Variants in GFRA2 observed in about 807,000 individuals in gnomAD.
GFRA2 encodes GDNF family receptor alpha-2.
In GFRA2, 17 loss-of-function variants were observed where a neutral mutation model predicts 48.3. The ratio of observed to expected loss-of-function variants is 0.35; its 90% confidence interval spans 0.24 to 0.53. GFRA2 has a LOEUF of 0.53. Ranked by LOEUF, GFRA2 falls within the 20% of genes least tolerant of loss-of-function variation. The probability of loss-of-function intolerance (pLI) is 0.93; values close to 1 mark genes in which losing one functional copy is unlikely to be tolerated. For missense variants in GFRA2, 660 were observed against 637.3 expected (o/e 1.04, Z -0.38); for synonymous variants, 305 against 257.2 (o/e 1.19, Z -1.78).
intron 4 of GFRA2, among the ~76,000 whole-genome samples, chr8:21,737,580 C>T (rs781175144): frequency 2.6e-5 from 4 of 152,062 alleles, no homozygotes; most frequent in Non-Finnish European, 4.4e-5. Flanking sequence ...CAACCTTACG[C>T]GCACAGACTC....
chr8:21,705,424 C>T (rs1007188612), intron 5 of GFRA2, among the ~76,000 whole-genome samples: 3 of 152,278 alleles, frequency 2.0e-5, no homozygotes, highest in African/African-American at 4.8e-5. Flanking sequence ...TTGTCCTTCA[C>T]CAGCAAGCAG....
Position 21,702,973 on chromosome 8 carries a change from G to A in GFRA2, c.1050C>T (p.Asn350=), listed in dbSNP as rs146520862. The change falls in exon 7 of 9, where the codon AAC becomes AAT. Residue 350 remains asparagine (N), a synonymous_variant. Transcript: ENST00000524240. ...TGCCGTTGCCAAAGGCCTGGATGGC[G>A]TTCCCTGGGATGGGGGTGAGGGCAG... ...RDFTENPCLR[N]AIQAFGNGTD... 168 of 1,515,712 alleles carry A rather than the reference G, an allele frequency of 1.1e-4. No homozygotes were observed. The East Asian group carries it at 1.7e-3, about 16-fold the overall frequency. 93.9% of individuals were successfully genotyped at this position (1,515,712 alleles called of 1,614,324 possible). A position where few individuals can be genotyped will look rare whatever the true frequency, so the allele number is the denominator to read the frequency against.
At chr8:21,745,788 C>A (rs556760479) in intron 4 of GFRA2, among the ~76,000 whole-genome samples, 1 of 152,264 alleles carries the variant, frequency 6.6e-6, no homozygotes, top group South Asian at 2.1e-4. Context: ...GTCAGGCCTG[C>A]AAGAGTGTAG....
chr8:21,715,895 G>A (rs1172222163), intron 4 of GFRA2, among the ~76,000 whole-genome samples: 3 of 151,782 alleles, frequency 2.0e-5, no homozygotes, highest in Non-Finnish European at 2.9e-5. Flanking sequence ...GAGAGAGAAC[G>A]AGAGAGAGAG....
chr8:21,795,662 G>C (rs907721458), intron 2 of GFRA2, among the ~76,000 whole-genome samples: 2 of 152,176 alleles, frequency 1.3e-5, no homozygotes, highest in Non-Finnish European at 2.9e-5. Flanking sequence ...CAAAGTGCTG[G>C]GAGTACAGGC....
chr8:21,749,017 C>T (rs1253181687), intron 4 of GFRA2, among the ~76,000 whole-genome samples: 2 of 152,212 alleles, frequency 1.3e-5, no homozygotes, highest in African/African-American at 4.8e-5. Context: ...AGATGCCCCT[C>T]TCCTGTGCTC....
chr8:21,774,376 G>A (rs1420134609), intron 3 of GFRA2, among the ~76,000 whole-genome samples: 8 of 152,220 alleles, frequency 5.3e-5, no homozygotes, highest in African/African-American at 1.9e-4. Context: ...GGTGGCCTGA[G>A]GACCAGAGTG....
chr8:21,718,282 C>A (rs918289647), intron 4 of GFRA2, among the ~76,000 whole-genome samples: 3 of 152,166 alleles, frequency 2.0e-5, no homozygotes, highest in Non-Finnish European at 2.9e-5. Context: ...TCTTTGCCTG[C>A]TGCTATTCAT....
chr8:21,749,529 T>C (rs1805173206), intron 4 of GFRA2, among the ~76,000 whole-genome samples: 1 of 151,346 alleles, frequency 6.6e-6, no homozygotes, highest in Non-Finnish European at 1.5e-5. Flanking sequence ...TCCTCACTCA[T>C]ATGATCATTG....
chr8:21,785,263 C>T (rs1258362811), intron 1 of GFRA2, among the ~76,000 whole-genome samples: 1 of 152,186 alleles, frequency 6.6e-6, no homozygotes, highest in Non-Finnish European at 1.5e-5. Context: ...TAGGGAGGCT[C>T]CCGTGCCAGA....
chr8:21,783,716 G>A (rs1462077046), intron 1 of GFRA2, among the ~76,000 whole-genome samples: 1 of 151,676 alleles, frequency 6.6e-6, no homozygotes, highest in Non-Finnish European at 1.5e-5. Context: ...TTCCGCCCCG[G>A]CCCCCTCCAA....
intron 4 of GFRA2, among the ~76,000 whole-genome samples, chr8:21,715,883 G>A (rs1196654573): frequency 6.6e-6 from 1 of 152,178 alleles, no homozygotes; most frequent in Non-Finnish European, 1.5e-5. Flanking sequence ...AAGCAAGGGA[G>A]AGAGAGAGAA....
At chr8:21,694,765 G>T (rs1438849530) in intron 7 of GFRA2, among the ~76,000 whole-genome samples, 1 of 152,204 alleles carries the variant, frequency 6.6e-6, no homozygotes, top group Non-Finnish European at 1.5e-5. Flanking sequence ...CTCCCAACTA[G>T]CGGCATTATA....
intron 2 of GFRA2, among the ~76,000 whole-genome samples, chr8:21,802,970 TG>T (rs1386861007): frequency 1.3e-5 from 2 of 152,214 alleles, no homozygotes; most frequent in Non-Finnish European, 2.9e-5. Flanking sequence ...AAAGCATTCA[TG>T]TAAAATATCA....
Position 21,716,009 on chromosome 8 carries a change from T to C in GFRA2, c.795-9968A>G, listed in dbSNP as rs1034380590. ...TCTGTTTTTATTTTTCTTAAGGTAG[T>C]TGGGTCTCTGTCACTTGGAACAGAA... is the stretch of plus-strand genomic sequence containing the variant. On this transcript the variant is annotated intron_variant, in intron 4 of 8. Coordinates refer to ENST00000524240, the MANE Select transcript of GFRA2 (RefSeq NM_001495.5). 3.3e-5 allele frequency among the ~76,000 whole-genome samples: 5 copies of C among 152,252 alleles called. No individual in the cohort carries two copies. The South Asian group carries it at 1.0e-3, about 32-fold the overall frequency.
chr8:21,789,255 C>T (rs1284740038), upstream of GFRA2: 2 of 153,388 alleles, frequency 1.3e-5, no homozygotes, highest in Admixed American at 6.5e-5. Context: ...GGCTACGGCT[C>T]GGGCTCGAAC....
chr8:21,692,570 C>G lies in GFRA2; in HGVS notation c.*708G>C, dbSNP rs1336953978. 1 of 152,206 alleles carries G rather than the reference C, an allele frequency of 6.6e-6. No homozygotes were observed. The highest frequency in any genetic ancestry group is 2.4e-5 in the African/African-American group (1 of 41,402). 9.4% of individuals were successfully genotyped at this position (152,206 alleles called of 1,614,324 possible). On this transcript the variant is annotated 3_prime_UTR_variant, in exon 9 of 9. Coordinates refer to ENST00000524240, the MANE Select transcript of GFRA2 (RefSeq NM_001495.5). ...AGCTGGTGCCCAAGTTTTAATGCCT[C>G]GCCACAAGGGCTCTCCCAGGCAGGC...
At chr8:21,793,219 G>C (rs1356175229), upstream of GFRA2, among the ~76,000 whole-genome samples, 1 of 152,172 alleles carries the variant, frequency 6.6e-6, no homozygotes, top group African/African-American at 2.4e-5. Context: ...ACCAGGAGCC[G>C]CTGAAGGTTT....
intron 3 of GFRA2, among the ~76,000 whole-genome samples, chr8:21,768,956 C>T (rs949013384): frequency 6.6e-6 from 1 of 152,188 alleles, no homozygotes; most frequent in Non-Finnish European, 1.5e-5. Context: ...GCCATGATGC[C>T]ACCAGGAACA....
Sources: gnomAD v4.1 joint callset for allele counts (sites outside exome capture counted in the v4.1 genomes callset) on GRCh38, gnomAD v4.1.1 for gene constraint, MANE v1.5 for transcripts, NCBI Gene and HGNC (gene_info 2026-07-23, HGNC 2026-07-21) for gene names.